Variants in PIK3C2G observed in about 807,000 individuals in gnomAD.
PIK3C2G encodes phosphatidylinositol-4-phosphate 3-kinase catalytic subunit type 2 gamma.
PIK3C2G carries 168 observed loss-of-function variants against 181.1 expected under a neutral mutation model. The observed-to-expected ratio is 0.93, with a 90% CI of 0.82 to 1.05. PIK3C2G has a LOEUF of 1.05. Ranked by LOEUF, PIK3C2G falls within the 50% of genes least tolerant of loss-of-function variation. The pLI is 0.00. For missense variants in PIK3C2G, 1,869 were observed against 1,732.8 expected (o/e 1.08, Z -1.40); for synonymous variants, 573 against 592.2 (o/e 0.97, Z 0.47).
At chr12:18,697,742 CTTTA>C in the PIK3C2G span, among the ~76,000 whole-genome samples, 1 of 151,962 alleles carries the variant, frequency 6.6e-6, no homozygotes, top group Non-Finnish European at 1.5e-5. Context: ...AAACCGTTAT[CTTTA>C]TTTACTATAA....
intron 29 of PIK3C2G, among the ~76,000 whole-genome samples, chr12:18,583,238 A>G (rs1406335845): frequency 2.0e-5 from 3 of 152,152 alleles, no homozygotes; most frequent in African/African-American, 4.8e-5. Flanking sequence ...GCAAGCCACT[A>G]TATTTGCTGT....
chr12:18,516,363 C>A (rs573559348), intron 24 of PIK3C2G, among the ~76,000 whole-genome samples: 3 of 151,156 alleles, frequency 2.0e-5, no homozygotes, highest in Non-Finnish European at 4.4e-5. Context: ...GATTGAGTCT[C>A]GGCTAAAAAT....
rs114531770 is a variant in PIK3C2G at position 18,423,873 on chromosome 12, C to G, written c.2410-72C>G. ...CTGTTTTCTCTAGTCTTTTCTCAAG[C>G]CTCTGAAGTCCCTCTGTATTCTGCT... On this transcript the variant is annotated intron_variant, in intron 17 of 32. Coordinates refer to ENST00000538779, the MANE Select transcript of PIK3C2G (RefSeq NM_001288772.2). 2,972 of 855,540 alleles carry G rather than the reference C, an allele frequency of 3.5e-3. 61 individuals carry two copies. The African/African-American group carries it at 0.044, about 13-fold the overall frequency. 53.0% of individuals were successfully genotyped at this position (855,540 alleles called of 1,614,324 possible). A position where few individuals can be genotyped will look rare whatever the true frequency, so the allele number is the denominator to read the frequency against.
intron 31 of PIK3C2G, among the ~76,000 whole-genome samples, chr12:18,614,051 G>C (rs930113087): frequency 2.6e-5 from 4 of 151,844 alleles, no homozygotes; most frequent in African/African-American, 9.7e-5. Context: ...TTAAAATCTA[G>C]ATTCTTAAAG....
chr12:18,663,654 A>C, the PIK3C2G span, among the ~76,000 whole-genome samples: 1 of 152,090 alleles, frequency 6.6e-6, no homozygotes, highest in Non-Finnish European at 1.5e-5. Flanking sequence ...AGAAAAAAAA[A>C]CATAGGACAA....
chr12:18,272,695 T>C (rs1948794359), intron 1 of PIK3C2G, among the ~76,000 whole-genome samples: 2 of 118,614 alleles, frequency 1.7e-5, no homozygotes, highest in Non-Finnish European at 4.0e-5. Context: ...TTCATGGATA[T>C]AAACATATTT....
chr12:18,676,267 T>C, the PIK3C2G span, among the ~76,000 whole-genome samples: 2 of 152,154 alleles, frequency 1.3e-5, no homozygotes, highest in Non-Finnish European at 2.9e-5. Context: ...ATTTACCTGT[T>C]CTCTTTAGCA....
chr12:18,657,587 C>T, the PIK3C2G span, among the ~76,000 whole-genome samples: 3,522 of 152,152 alleles, frequency 0.023, 259 homozygotes, highest in East Asian at 0.18. Flanking sequence ...TAGCTGAACA[C>T]CACTAAGCTA....
chr12:18,263,287 C>T (rs1010821650), intron 1 of PIK3C2G, among the ~76,000 whole-genome samples: 2 of 152,030 alleles, frequency 1.3e-5, no homozygotes, highest in Admixed American at 6.6e-5. Flanking sequence ...ATTTTGACTA[C>T]ATTGGGGACA....
At chr12:18,431,328 C>T (rs1946148148) in intron 18 of PIK3C2G, among the ~76,000 whole-genome samples, 2 of 152,110 alleles carry the variant, frequency 1.3e-5, no homozygotes, top group Admixed American at 6.5e-5. Flanking sequence ...CTTAAAGAAG[C>T]TCAGGGGCTA....
chr12:18,503,616 G>A (rs1274513026), intron 23 of PIK3C2G, among the ~76,000 whole-genome samples, 199 bp downstream of exon 23: 1 of 152,020 alleles, frequency 6.6e-6, no homozygotes, highest in African/African-American at 2.4e-5. Flanking sequence ...TAGTTTCTGG[G>A]TGAAATTCCT....
chr12:18,668,568 T>C, the PIK3C2G span, among the ~76,000 whole-genome samples: 1 of 152,138 alleles, frequency 6.6e-6, no homozygotes, highest in African/African-American at 2.4e-5. Context: ...AGATCATGCA[T>C]GCTGGACCAT....
intron 28 of PIK3C2G, among the ~76,000 whole-genome samples, chr12:18,566,177 C>T (rs865963101): frequency 6.6e-6 from 1 of 152,156 alleles, no homozygotes; most frequent in South Asian, 2.1e-4. Flanking sequence ...TCACATACAT[C>T]TTTATCTTTG....
At chr12:18,380,519 C>T (rs1357196857) in intron 13 of PIK3C2G, among the ~76,000 whole-genome samples, 9 of 152,082 alleles carry the variant, frequency 5.9e-5, no homozygotes, top group Non-Finnish European at 1.3e-4. Flanking sequence ...GGGAAAATTA[C>T]AATAAAAATT....
chr12:18,593,476 T>G (rs1947194218), intron 29 of PIK3C2G, among the ~76,000 whole-genome samples: 1 of 151,408 alleles, frequency 6.6e-6, no homozygotes, highest in African/African-American at 2.4e-5. Context: ...TGGGGAAGAG[T>G]AGAAAAAGCC....
chr12:18,292,977 TC>T (rs1403575079), intron 4 of PIK3C2G, among the ~76,000 whole-genome samples: 3 of 152,150 alleles, frequency 2.0e-5, no homozygotes, highest in African/African-American at 7.2e-5. Context: ...TTGCATAGCT[TC>T]CCTGAAAATG....
intron 16 of PIK3C2G, among the ~76,000 whole-genome samples, chr12:18,408,918 G>A (rs1410779177): frequency 6.6e-6 from 1 of 152,126 alleles, no homozygotes; most frequent in Non-Finnish European, 1.5e-5. Context: ...GAGAGGATGT[G>A]GGGAAATAGG....
At chr12:18,538,011 C>A in intron 24 of PIK3C2G, 145 bp from the exon 25 acceptor site, 1 of 659,710 alleles carries the variant, frequency 1.5e-6, no homozygotes, top group Non-Finnish European at 2.6e-6. Context: ...GTTTCTCAAG[C>A]TGCCTCACAA....
chr12:18,333,650 C>A (rs1224396035), intron 8 of PIK3C2G, among the ~76,000 whole-genome samples: 1 of 152,142 alleles, frequency 6.6e-6, no homozygotes, highest in Non-Finnish European at 1.5e-5. Context: ...AGCCAAGCTG[C>A]ATTTCAAAGC....
Sources: allele counts gnomAD v4.1 joint callset (sites outside exome capture counted in the v4.1 genomes callset), GRCh38; gene constraint gnomAD v4.1.1; transcripts MANE v1.5; gene names NCBI Gene and HGNC (gene_info 2026-07-23, HGNC 2026-07-21).